Variants in DLGAP2 observed in about 807,000 individuals in gnomAD.
DLGAP2 encodes the protein DLG associated protein 2.
In DLGAP2, 26 loss-of-function variants were observed where a neutral mutation model predicts 100.3. The observed-to-expected ratio is 0.26, with a 90% confidence interval of 0.19 to 0.36. DLGAP2 has a LOEUF of 0.36. Among genes scored for constraint, DLGAP2 ranks in the 10% least tolerant of loss-of-function variants. The pLI, the probability that DLGAP2 is intolerant of heterozygous loss-of-function variation, is 1.00. For missense variants in DLGAP2, 1,858 were observed against 1,453.2 expected (o/e 1.28, Z -4.53); for synonymous variants, 886 against 630.1 (o/e 1.41, Z -6.08).
chr8:997,969 A>G (rs1800831617), intron 2 of DLGAP2, among the ~76,000 whole-genome samples: 1 of 151,818 alleles, frequency 6.6e-6, no homozygotes, highest in East Asian at 1.9e-4. Flanking sequence ...GCATACACGC[A>G]TGCATGTACA....
chr8:807,724 C>G (rs1184182077), intron 1 of DLGAP2, among the ~76,000 whole-genome samples: 1 of 152,002 alleles, frequency 6.6e-6, no homozygotes, highest in Non-Finnish European at 1.5e-5. Flanking sequence ...CTTATGTGTC[C>G]CTGTGTGTTT....
intron 2 of DLGAP2, among the ~76,000 whole-genome samples, chr8:1,102,242 G>A (rs1362567607): frequency 6.8e-6 from 1 of 146,350 alleles, no homozygotes; most frequent in African/African-American, 2.5e-5. Flanking sequence ...AGCTTTTACT[G>A]ATTAATATTA....
In DLGAP2 at chr8:1,193,382, G is replaced by C. The variant is rs185392111; in HGVS notation, c.74-65469G>C. 2.6e-5 allele frequency among the ~76,000 whole-genome samples: 4 copies of C among 152,250 alleles called. No individual in the cohort carries two copies. The East Asian group carries it at 7.7e-4, about 29-fold the overall frequency. Reference sequence around the variant, plus strand: ...TCGCCATTCTAACTGGTCTGAGATGGTATCTCATTGTGGTTTTGATTTGCA... The same window carrying C: ...TCGCCATTCTAACTGGTCTGAGATGCTATCTCATTGTGGTTTTGATTTGCA... On this transcript the variant is annotated intron_variant, in intron 2 of 14. Coordinates refer to ENST00000637795, the MANE Select transcript of DLGAP2 (RefSeq NM_001346810.2).
intron 1 of DLGAP2, among the ~76,000 whole-genome samples, chr8:840,968 C>G (rs765521749): frequency 8.5e-5 from 13 of 152,354 alleles, no homozygotes; most frequent in Non-Finnish European, 1.5e-4. Flanking sequence ...GTGTCTAGCT[C>G]TCACTCTCTG....
chr8:1,080,098 C>A (rs1803752600), intron 2 of DLGAP2, among the ~76,000 whole-genome samples: 1 of 152,232 alleles, frequency 6.6e-6, no homozygotes, highest in East Asian at 1.9e-4. Context: ...GCTTCCCCAG[C>A]CTCCCAGCCA....
intron 3 of DLGAP2, among the ~76,000 whole-genome samples, chr8:1,324,670 C>A (rs1275880465): frequency 6.6e-6 from 1 of 152,202 alleles, no homozygotes; most frequent in African/African-American, 2.4e-5. Context: ...TTCCTGTGTC[C>A]TTGAGCCATG....
chr8:1,501,349 T>A lies in DLGAP2; in HGVS notation c.107-17T>A. On this transcript the variant is annotated splice_polypyrimidine_tract_variant and intron_variant, in intron 3 of 14. Transcript: ENST00000637795. ...CCAGAAACGCATTAAAGAGTGACTT[T>A]GTTTCTGTCTTTGCAGAGGAAGAAG... 1.3e-6 allele frequency: 2 copies of A among 1,535,880 alleles called. No individual in the cohort carries two copies. Among genetic ancestry groups the A allele is most frequent in the Non-Finnish European group, 1.7e-6 (2 of 1,146,714 alleles).
chr8:838,881 G>T (rs1003232099), intron 1 of DLGAP2, among the ~76,000 whole-genome samples: 1 of 152,160 alleles, frequency 6.6e-6, no homozygotes, highest in African/African-American at 2.4e-5. Context: ...GCATGTCTGT[G>T]GTTATGACAA....
intron 2 of DLGAP2, among the ~76,000 whole-genome samples, chr8:1,007,196 G>A (rs543881495): frequency 2.0e-5 from 3 of 152,088 alleles, no homozygotes; most frequent in East Asian, 1.9e-4. Context: ...TTATCATGTC[G>A]GGGACACCGT....
intron 1 of DLGAP2, among the ~76,000 whole-genome samples, chr8:772,672 T>C (rs1055047901): frequency 6.6e-6 from 1 of 152,194 alleles, no homozygotes; most frequent in Admixed American, 6.5e-5. Flanking sequence ...CTTCAAACTC[T>C]GAAAAGTATT....
intron 3 of DLGAP2, among the ~76,000 whole-genome samples, chr8:1,410,849 T>A (rs1237194970): frequency 4.6e-5 from 7 of 152,072 alleles, no homozygotes; most frequent in African/African-American, 1.7e-4. Flanking sequence ...TTTTTTTTTT[T>A]TTAAACTTCC....
intron 2 of DLGAP2, among the ~76,000 whole-genome samples, chr8:912,754 C>T (rs1227984837): frequency 1.4e-5 from 2 of 147,910 alleles, no homozygotes; most frequent in South Asian, 2.2e-4. Flanking sequence ...ACGTTCCTCT[C>T]TGTGGAGCTG....
intron 2 of DLGAP2, among the ~76,000 whole-genome samples, chr8:1,017,887 T>A (rs1801513750): frequency 6.6e-6 from 1 of 152,242 alleles, no homozygotes; most frequent in South Asian, 2.1e-4. Flanking sequence ...ATCCTGCCAC[T>A]GAGTTTGCAG....
rs1236562439 is a variant in DLGAP2, at chr8:1,683,978, A to G, written c.2704+5349A>G. ...TGTATATATATATATATATATATATATATATATATACTTTTTTTTTTAAGA... is the reference window on the plus strand; with the variant it reads ...TGTATATATATATATATATATATATGTATATATATACTTTTTTTTTTAAGA... On this transcript the variant is annotated intron_variant, in intron 12 of 14. Coordinates refer to ENST00000637795, the MANE Select transcript of DLGAP2 (RefSeq NM_001346810.2). Among the ~76,000 whole-genome samples the G allele has an allele frequency of 2.4e-5, 3 of 126,176 alleles. No individual in the cohort carries two copies. In the East Asian group the frequency reaches 7.0e-4, roughly 30 times the overall value. The allele number at this position is 126,176 out of a possible 152,430, so 82.8% of individuals were successfully genotyped here.
intron 2 of DLGAP2, among the ~76,000 whole-genome samples, chr8:1,044,388 T>G (rs1159601193): frequency 6.6e-6 from 1 of 152,198 alleles, no homozygotes; most frequent in East Asian, 1.9e-4. Flanking sequence ...CCTCCATCTC[T>G]CCTCCACCTG....
intron 3 of DLGAP2, among the ~76,000 whole-genome samples, chr8:1,378,890 C>A (rs569894568): frequency 6.6e-6 from 1 of 152,216 alleles, no homozygotes; most frequent in Admixed American, 6.5e-5. Context: ...GTTCAACACT[C>A]ATGCTTCCCT....
At chr8:1,267,248 TAAAATAAAATA>T (rs1413059693) in intron 3 of DLGAP2, among the ~76,000 whole-genome samples, 17 of 114,854 alleles carry the variant, frequency 1.5e-4, no homozygotes, top group South Asian at 3.1e-4. Flanking sequence ...AATAAATAAA[TAAAATAAAATA>T]AAATAAAATA....
chr8:881,147 TC>T (rs1797782990), intron 1 of DLGAP2, among the ~76,000 whole-genome samples: 1 of 152,254 alleles, frequency 6.6e-6, no homozygotes, highest in South Asian at 2.1e-4. Flanking sequence ...CAAAGTAGAA[TC>T]TTTCTTCTTA....
chr8:760,360 C>G (rs147440584), intron 1 of DLGAP2, among the ~76,000 whole-genome samples: 1 of 152,278 alleles, frequency 6.6e-6, no homozygotes, highest in Non-Finnish European at 1.5e-5. Flanking sequence ...CCTTTCATCT[C>G]TCTCCTGGTT....
Sources: allele counts gnomAD v4.1 joint callset (sites outside exome capture counted in the v4.1 genomes callset), GRCh38; gene constraint gnomAD v4.1.1; transcripts MANE v1.5; gene names NCBI Gene and HGNC (gene_info 2026-07-23, HGNC 2026-07-21).